RPH3A: variants seen among roughly 807,000 people sequenced by gnomAD.
The protein encoded by RPH3A is rabphilin 3A, also known as rabphilin-3A.
In RPH3A, 48 loss-of-function variants were observed where a neutral mutation model predicts 102.2. The observed-to-expected ratio is 0.47, with a 90% CI of 0.37 to 0.60. The LOEUF (loss-of-function observed/expected upper bound fraction) is 0.60, where lower values mean the gene tolerates loss of function less well. Ranked by LOEUF, RPH3A falls within the 20% of genes least tolerant of loss-of-function variation. The probability of loss-of-function intolerance (pLI) is 0.00; values close to 1 mark genes in which losing one functional copy is unlikely to be tolerated. For missense variants in RPH3A, 781 were observed against 910.1 expected, an observed-to-expected ratio of 0.86 and a Z score of 1.83; for synonymous variants, 310 against 324.3, an observed-to-expected ratio of 0.96 and a Z score of 0.47.
Position 112,705,971 on chromosome 12 carries a change from G to A in RPH3A, c.-139-86172G>A, listed in dbSNP as rs533463541. Among the ~76,000 whole-genome samples the A allele has an allele frequency of 2.0e-5, 3 of 152,268 alleles. No individual in the cohort carries two copies. In the South Asian group the frequency reaches 6.2e-4, roughly 32 times the overall value. ...TAGGTGCTGGGAATATGATGGATGT[G>A]GTTCCTGATTTCATGGAGCTTCTAG... On this transcript the variant is annotated intron_variant, in intron 1 of 21. Coordinates refer to the RPH3A transcript ENST00000543106.
chr12:112,879,967 G>C lies in RPH3A; in HGVS notation c.1251+769G>C, dbSNP rs1261832553. Among the ~76,000 whole-genome samples, 5 of 152,274 alleles carry C rather than the reference G, an allele frequency of 3.3e-5. No individual in the cohort carries two copies. The South Asian group carries it at 1.0e-3, about 32-fold the overall frequency. On this transcript the variant is annotated intron_variant, in intron 14 of 21. Transcript: ENST00000389385. ...GATAATAGTAGTGTATCTCCCATAA[G>C]GATAGTTGTGCGCACATGTTCCAGT...
At chr12:112,793,946 T>G (rs2136090105) in intron 2 of RPH3A, among the ~76,000 whole-genome samples, 1 of 152,280 alleles carries the variant, frequency 6.6e-6, no homozygotes, top group African/African-American at 2.4e-5. Flanking sequence ...ATATTTTATT[T>G]TAATATTTTT....
chr12:112,646,597 CT>C (rs1001669319), intron 1 of RPH3A, among the ~76,000 whole-genome samples: 10 of 152,218 alleles, frequency 6.6e-5, no homozygotes, highest in African/African-American at 2.4e-4. Context: ...CTTGGGGAGC[CT>C]CCCTTTTCTC....
intron 1 of RPH3A, among the ~76,000 whole-genome samples, chr12:112,735,550 G>A (rs1434298574): frequency 6.6e-6 from 1 of 152,214 alleles, no homozygotes; most frequent in Non-Finnish European, 1.5e-5. Flanking sequence ...TTCGGAGGGA[G>A]GACATGCCTT....
chr12:112,892,395 C>A (rs2043112622), intron 19 of RPH3A, among the ~76,000 whole-genome samples: 1 of 152,188 alleles, frequency 6.6e-6, no homozygotes, highest in Non-Finnish European at 1.5e-5. Flanking sequence ...GGTATGACCC[C>A]TGTGGAGCAG....
intron 1 of RPH3A, among the ~76,000 whole-genome samples, chr12:112,722,547 T>G (rs2040558524): frequency 6.6e-6 from 1 of 152,198 alleles, no homozygotes. Context: ...CAGCTGAAAA[T>G]TGTATTTTCC....
intron 5 of RPH3A, among the ~76,000 whole-genome samples, chr12:112,861,841 G>A (rs1189471586): frequency 1.3e-5 from 2 of 151,948 alleles, no homozygotes; most frequent in Admixed American, 6.6e-5. Context: ...GTGAAACCCC[G>A]TCTCTACTAA....
intron 1 of RPH3A, among the ~76,000 whole-genome samples, chr12:112,576,375 G>A (rs954736849): frequency 1.3e-5 from 2 of 152,096 alleles, no homozygotes; most frequent in Admixed American, 6.5e-5. Flanking sequence ...GCACCACCAC[G>A]CCTGGCTAAT....
At chr12:112,888,984 C>A (rs574037482) in intron 17 of RPH3A, among the ~76,000 whole-genome samples, 1 of 134,762 alleles carries the variant, frequency 7.4e-6, no homozygotes, top group African/African-American at 2.4e-5. Flanking sequence ...ACAACACCAG[C>A]ACCCCTGGTC....
At chr12:112,734,000 C>T (rs888888603) in intron 1 of RPH3A, among the ~76,000 whole-genome samples, 3 of 151,926 alleles carry the variant, frequency 2.0e-5, no homozygotes, top group African/African-American at 7.3e-5. Context: ...CATCTGTGGC[C>T]TCTACACAGC....
intron 1 of RPH3A, among the ~76,000 whole-genome samples, chr12:112,680,138 T>C (rs2040216353): frequency 6.6e-6 from 1 of 151,320 alleles, no homozygotes; most frequent in Non-Finnish European, 1.5e-5. Context: ...GAGGGGCGAG[T>C]GGTATATGCT....
chr12:112,621,874 C>T (rs911546705), intron 1 of RPH3A, among the ~76,000 whole-genome samples: 2 of 151,232 alleles, frequency 1.3e-5, no homozygotes, highest in African/African-American at 4.9e-5. Flanking sequence ...AACGGGCAGA[C>T]TGCCTCCTCA....
chr12:112,838,616 C>T (rs767754041), intron 4 of RPH3A, among the ~76,000 whole-genome samples: 1 of 152,254 alleles, frequency 6.6e-6, no homozygotes, highest in Non-Finnish European at 1.5e-5. Flanking sequence ...ATTTTCTGCA[C>T]ACCTCTGCTG....
At chr12:112,816,103 C>T (rs976820593) in intron 2 of RPH3A, among the ~76,000 whole-genome samples, 1 of 152,180 alleles carries the variant, frequency 6.6e-6, no homozygotes, top group Non-Finnish European at 1.5e-5. Flanking sequence ...ATCCTGGATG[C>T]TCTGCCCTGC....
intron 19 of RPH3A, chr12:112,894,132 A>G (rs987074731): frequency 1.1e-5 from 2 of 190,024 alleles, no homozygotes; most frequent in Non-Finnish European, 2.1e-5. Context: ...CTGTGCATAC[A>G]CCCAGCCTCT....
chr12:112,713,885 A>G (rs754546262), intron 1 of RPH3A, among the ~76,000 whole-genome samples: 3 of 152,190 alleles, frequency 2.0e-5, no homozygotes, highest in Non-Finnish European at 2.9e-5. Context: ...TGAATTCATG[A>G]GACCAGGCAG....
chr12:112,828,312 A>T lies in RPH3A; in HGVS notation c.-7A>T. The stretch of plus-strand genomic sequence containing the variant: ...TTGATGTTTTCCAGGAGCACTAGAC[A>T]TCTACTATGACTGACACCGTGTTCA... On this transcript the variant is annotated 5_prime_UTR_variant, in exon 3 of 22. Coordinates refer to ENST00000389385, the MANE Select transcript of RPH3A (RefSeq NM_001143854.2). 1 of 1,611,052 alleles carries T rather than the reference A, an allele frequency of 6.2e-7. No individual in the cohort carries two copies. Among genetic ancestry groups the T allele is most frequent in the Non-Finnish European group, 8.5e-7 (1 of 1,178,172 alleles).
chr12:112,627,479 C>T (rs1326875858), intron 1 of RPH3A, among the ~76,000 whole-genome samples: 2 of 150,482 alleles, frequency 1.3e-5, no homozygotes, highest in South Asian at 2.1e-4. Context: ...GTATAATATA[C>T]ATTATATAAT....
chr12:112,710,862 T>G (rs1233071610), intron 1 of RPH3A, among the ~76,000 whole-genome samples: 1 of 152,224 alleles, frequency 6.6e-6, no homozygotes, highest in Admixed American at 6.5e-5. Flanking sequence ...CCCTTCCTTT[T>G]ATCTTGAACA....
Sources: gnomAD v4.1 joint callset for allele counts (sites outside exome capture counted in the v4.1 genomes callset) on GRCh38, gnomAD v4.1.1 for gene constraint, MANE v1.5 for transcripts, NCBI Gene and HGNC (gene_info 2026-07-23, HGNC 2026-07-21) for gene names.